MARCHF1: variants seen among roughly 807,000 people sequenced by gnomAD.
MARCHF1 encodes the protein E3 ubiquitin-protein ligase MARCHF1.
MARCHF1 carries 40 observed loss-of-function variants against 54.2 expected under a neutral mutation model. That is an observed-to-expected ratio of 0.74 (90% CI 0.57 to 0.96). The LOEUF is 0.96. MARCHF1 is among the 40% of genes least tolerant of loss of function. The pLI, the probability that MARCHF1 is intolerant of heterozygous loss-of-function variation, is 0.00. For missense variants in MARCHF1, 586 were observed against 656.5 expected (o/e 0.89, Z 1.17); for synonymous variants, 236 against 236.3 (o/e 1.00, Z 0.01).
intron 1 of MARCHF1, among the ~76,000 whole-genome samples, chr4:164,253,005 A>C (rs1168983804): frequency 6.6e-6 from 1 of 152,158 alleles, no homozygotes; most frequent in Non-Finnish European, 1.5e-5. Context: ...CAAATTCTCC[A>C]GCTGAAAAAG....
At chr4:163,778,896 G>A (rs537954063) in intron 4 of MARCHF1, among the ~76,000 whole-genome samples, 9 of 152,084 alleles carry the variant, frequency 5.9e-5, no homozygotes, top group African/African-American at 1.2e-4. Flanking sequence ...ATTATGTAAC[G>A]GGTACAATGA....
intron 1 of MARCHF1, among the ~76,000 whole-genome samples, chr4:164,133,326 T>A (rs180744269): frequency 1.3e-5 from 2 of 152,326 alleles, no homozygotes; most frequent in African/African-American, 4.8e-5. Flanking sequence ...ACATGTCCAT[T>A]ATTACTGCGC....
intron 4 of MARCHF1, among the ~76,000 whole-genome samples, chr4:163,783,546 T>C (rs552687725): frequency 6.6e-6 from 1 of 152,356 alleles, no homozygotes; most frequent in Non-Finnish European, 1.5e-5. Context: ...CTGAGTCATC[T>C]GTCTTCACCG....
chr4:164,091,411 T>TATATATATAC (rs371151324), intron 2 of MARCHF1, among the ~76,000 whole-genome samples: 3 of 5,934 alleles, frequency 5.1e-4, no homozygotes, highest in African/African-American at 1.5e-3. Flanking sequence ...CACCAAGTTT[T>TATATATATAC]ATATATATAT....
chr4:163,839,073 C>T (rs1440596927), intron 4 of MARCHF1, among the ~76,000 whole-genome samples: 1 of 152,012 alleles, frequency 6.6e-6, no homozygotes, highest in Non-Finnish European at 1.5e-5. Flanking sequence ...GTTGAATAGA[C>T]ATTTCTTGAA....
intron 5 of MARCHF1, among the ~76,000 whole-genome samples, chr4:163,654,170 A>G (rs1210462729): frequency 6.6e-6 from 1 of 151,842 alleles, no homozygotes; most frequent in Non-Finnish European, 1.5e-5. Flanking sequence ...ACTAATAACT[A>G]TTTGGCAATG....
At chr4:164,116,212 A>G (rs1351062190) in intron 1 of MARCHF1, among the ~76,000 whole-genome samples, 1 of 152,166 alleles carries the variant, frequency 6.6e-6, no homozygotes, top group East Asian at 1.9e-4. Flanking sequence ...ATAGTAACAT[A>G]TCATCATAAT....
intron 9 of MARCHF1, among the ~76,000 whole-genome samples, chr4:163,534,714 A>G (rs1290282043): frequency 2.0e-5 from 3 of 152,112 alleles, no homozygotes; most frequent in Non-Finnish European, 2.9e-5. Context: ...TGTTAGTCGT[A>G]TACAAATGTT....
At chr4:163,565,784 TC>T (rs963402305) in intron 8 of MARCHF1, among the ~76,000 whole-genome samples, 1 of 152,188 alleles carries the variant, frequency 6.6e-6, no homozygotes, top group Non-Finnish European at 1.5e-5. Context: ...TCTGTTGATT[TC>T]CCCAGCAGTC....
chr4:164,336,662 T>C (rs539535028), intron 1 of MARCHF1, among the ~76,000 whole-genome samples: 3 of 152,322 alleles, frequency 2.0e-5, no homozygotes, highest in Non-Finnish European at 4.4e-5. Flanking sequence ...GTATAAGCAC[T>C]GCTTTTATTC....
intron 5 of MARCHF1, among the ~76,000 whole-genome samples, chr4:163,671,105 G>T (rs950280213): frequency 1.3e-5 from 2 of 152,168 alleles, no homozygotes; most frequent in African/African-American, 4.8e-5. Context: ...CCCTGCTTTA[G>T]CAGTTGGATG....
intron 1 of MARCHF1, among the ~76,000 whole-genome samples, chr4:164,332,364 CATA>C (rs1389660245): frequency 6.6e-6 from 1 of 152,214 alleles, no homozygotes; most frequent in African/African-American, 2.4e-5. Flanking sequence ...AGATATTAGA[CATA>C]ATATTCACAA....
chr4:164,041,183 G>A (rs566086645), intron 2 of MARCHF1, among the ~76,000 whole-genome samples: 1 of 152,064 alleles, frequency 6.6e-6, no homozygotes, highest in Non-Finnish European at 1.5e-5. Context: ...TAAGCAGACC[G>A]AGAATTGCAT....
chr4:164,263,523 A>G (rs1733525296), intron 1 of MARCHF1, among the ~76,000 whole-genome samples: 1 of 152,150 alleles, frequency 6.6e-6, no homozygotes, highest in South Asian at 2.1e-4. Context: ...TAGTCTCCCC[A>G]GTAGTTGGGA....
chr4:163,893,712 G>C (rs935577121), intron 3 of MARCHF1, among the ~76,000 whole-genome samples: 3 of 152,126 alleles, frequency 2.0e-5, no homozygotes, highest in Admixed American at 6.5e-5. Context: ...CATAGATGAA[G>C]CTTAAAAAGT....
At chr4:163,687,301 C>T (rs1744299883) in intron 5 of MARCHF1, among the ~76,000 whole-genome samples, 1 of 151,262 alleles carries the variant, frequency 6.6e-6, no homozygotes, top group South Asian at 2.1e-4. Flanking sequence ...TATCTCGGCT[C>T]ACTGCAAACT....
intron 4 of MARCHF1, among the ~76,000 whole-genome samples, chr4:163,817,262 C>T (rs1748558279): frequency 6.6e-6 from 1 of 150,604 alleles, no homozygotes; most frequent in South Asian, 2.1e-4. Context: ...GTCCTAGCCA[C>T]ACAGCTACAT....
At chr4:163,830,690 C>T (rs1267779640) in intron 4 of MARCHF1, among the ~76,000 whole-genome samples, 1 of 152,008 alleles carries the variant, frequency 6.6e-6, no homozygotes, top group Non-Finnish European at 1.5e-5. Flanking sequence ...GAGGCGGGAG[C>T]ATCACTTGAG....
At chr4:164,178,003 C>T (rs1730736105) in intron 1 of MARCHF1, among the ~76,000 whole-genome samples, 1 of 152,160 alleles carries the variant, frequency 6.6e-6, no homozygotes, top group Non-Finnish European at 1.5e-5. Context: ...CAGAATGTCA[C>T]TGAAATATGC....
Sources: allele counts gnomAD v4.1 joint callset (sites outside exome capture counted in the v4.1 genomes callset), GRCh38; gene constraint gnomAD v4.1.1; transcripts MANE v1.5; gene names NCBI Gene and HGNC (gene_info 2026-07-23, HGNC 2026-07-21).